Variants in MAOB observed in about 807,000 individuals in gnomAD.
The protein encoded by MAOB is amine oxidase [flavin-containing] B.
In MAOB, 15 loss-of-function variants were observed where a neutral mutation model predicts 41.9. The observed-to-expected ratio is 0.36, with a 90% CI of 0.24 to 0.55. MAOB has a LOEUF of 0.55. Ranked by LOEUF, MAOB falls within the 20% of genes least tolerant of loss-of-function variation. The pLI is 0.86. For synonymous variants in MAOB, 167 were observed against 144.2 expected (o/e 1.16, Z -1.13); for missense variants, 345 against 398.7 (o/e 0.87, Z 1.15).
At chrX:43,843,377 A>T (rs867533383) in intron 2 of MAOB, among the ~76,000 whole-genome samples, 2,027 of 105,715 alleles carry the variant, frequency 0.019, 46 homozygotes, top group African/African-American at 0.064. Flanking sequence ...ACACACACAC[A>T]CACACACACA....
chrX:43,819,408 C>A (rs1569221560), intron 3 of MAOB, among the ~76,000 whole-genome samples: 1 of 111,186 alleles, frequency 9.0e-6, no homozygotes, highest in Non-Finnish European at 1.9e-5. Flanking sequence ...AGGACAGCTC[C>A]CAAGGGCCAT....
intron 1 of MAOB, among the ~76,000 whole-genome samples, chrX:43,880,853 A>G (rs1025209100): frequency 1.8e-5 from 2 of 112,372 alleles, no homozygotes; most frequent in African/African-American, 6.5e-5. Flanking sequence ...CTGAAAAGAG[A>G]AACTTCAGCT....
chrX:43,779,067 T>G (rs2034296912), intron 10 of MAOB, among the ~76,000 whole-genome samples: 1 of 111,887 alleles, frequency 8.9e-6, no homozygotes. Flanking sequence ...CAAATGTTTA[T>G]GAAAATGCCT....
chrX:43,813,891 T>C (rs1229430009), intron 3 of MAOB, among the ~76,000 whole-genome samples: 2 of 110,797 alleles, frequency 1.8e-5, no homozygotes, highest in African/African-American at 6.6e-5. Context: ...AATCATGTAG[T>C]AGATTAGAAG....
intron 3 of MAOB, among the ~76,000 whole-genome samples, chrX:43,819,292 C>T (rs964102811): frequency 9.0e-6 from 1 of 111,544 alleles, no homozygotes; most frequent in Non-Finnish European, 1.9e-5. Context: ...ATTATCCCAG[C>T]TGCAGAAAAT....
chrX:43,791,145 A>G (rs933184993), intron 8 of MAOB, among the ~76,000 whole-genome samples: 1 of 111,963 alleles, frequency 8.9e-6, no homozygotes, highest in Admixed American at 9.5e-5. Flanking sequence ...TACTTGCCCA[A>G]CTGATGCACC....
intron 14 of MAOB, among the ~76,000 whole-genome samples, chrX:43,767,906 T>C (rs1367310050): frequency 8.9e-6 from 1 of 111,929 alleles, no homozygotes; most frequent in African/African-American, 3.3e-5. Context: ...TCATCTGCAT[T>C]CTCCACCAGA....
chrX:43,842,175 T>A (rs1287490964), intron 2 of MAOB, among the ~76,000 whole-genome samples: 6 of 112,161 alleles, frequency 5.3e-5, no homozygotes, highest in Non-Finnish European at 1.1e-4. Context: ...GAGGTTAATA[T>A]CCAAATTATA....
At chrX:43,803,508 C>A in intron 3 of MAOB, 104 bp from the exon 4 acceptor site, 1 of 1,049,671 alleles carries the variant, frequency 9.5e-7, no homozygotes, top group Non-Finnish European at 1.2e-6. Flanking sequence ...TGTGAGTTAT[C>A]AATATGTGAT....
At chrX:43,847,574 C>T (rs1457436800) in intron 1 of MAOB, among the ~76,000 whole-genome samples, 2 of 110,923 alleles carry the variant, frequency 1.8e-5, no homozygotes, top group African/African-American at 6.6e-5. Flanking sequence ...AGAGTTCAAC[C>T]CAAAACCTGA....
In MAOB at chrX:43,775,312, G is replaced by C. The variant is rs1250139590; in HGVS notation, c.1138-40C>G. ...AACAAAAACTTGAAGGAGACTCAGAGAAAGCTATTTAGCCTAGAATAAATC... is the reference window on the plus strand; with the variant it reads ...AACAAAAACTTGAAGGAGACTCAGACAAAGCTATTTAGCCTAGAATAAATC... On this transcript the variant is annotated intron_variant, in intron 11 of 14. Transcript: ENST00000378069. The C allele has an allele frequency of 2.5e-6, 3 of 1,183,865 alleles. No individual in the cohort carries two copies. In the East Asian group the frequency reaches 9.2e-5, roughly 36 times the overall value.
chrX:43,876,924 C>G (rs1270985415), intron 1 of MAOB, among the ~76,000 whole-genome samples: 1 of 112,038 alleles, frequency 8.9e-6, no homozygotes, highest in Non-Finnish European at 1.9e-5. Context: ...AGTGAGGAAG[C>G]TGGCACACTG....
chrX:43,876,518 G>A (rs1318760007), intron 1 of MAOB, among the ~76,000 whole-genome samples: 1 of 111,471 alleles, frequency 9.0e-6, no homozygotes, highest in African/African-American at 3.3e-5. Context: ...AAACTAACCT[G>A]TTACTATTGC....
intron 6 of MAOB, 91 bp downstream of exon 6, chrX:43,797,034 C>T (rs1410332347): frequency 1.0e-6 from 1 of 952,761 alleles, no homozygotes; most frequent in Non-Finnish European, 1.4e-6. Flanking sequence ...AAGCCTGCTT[C>T]CCACTTCAGC....
chrX:43,789,266 G>GT (rs1245065254), intron 8 of MAOB, among the ~76,000 whole-genome samples: 1 of 111,915 alleles, frequency 8.9e-6, no homozygotes, highest in Non-Finnish European at 1.9e-5. Context: ...TGTTCAACTT[G>GT]TATTACCTAT....
intron 3 of MAOB, among the ~76,000 whole-genome samples, chrX:43,821,799 A>G (rs2034884585): frequency 8.9e-6 from 1 of 112,445 alleles, no homozygotes; most frequent in Non-Finnish European, 1.9e-5. Flanking sequence ...TCTACCACAT[A>G]AGATTTTAAA....
intron 3 of MAOB, among the ~76,000 whole-genome samples, chrX:43,831,394 C>T (rs1316773131): frequency 2.7e-5 from 3 of 110,531 alleles, no homozygotes; most frequent in Non-Finnish European, 3.8e-5. Flanking sequence ...AAGAAAGCAA[C>T]GAATTACTCC....
rs1382033659 is a variant in MAOB, at chrX:43,866,038, G to A, written c.46+16216C>T. On this transcript the variant is annotated intron_variant, in intron 1 of 14. Transcript: ENST00000378069. ...AGCTACAGGCCCTAGGAAGAGCCAC[G>A]GGAAACAAGGCATCCGAAGTAGGCC... is the stretch of plus-strand genomic sequence containing the variant. Among the ~76,000 whole-genome samples, 5 of 110,601 alleles carry A rather than the reference G, an allele frequency of 4.5e-5. No homozygotes were observed. The East Asian group carries it at 8.5e-4, about 19-fold the overall frequency.
intron 1 of MAOB, among the ~76,000 whole-genome samples, chrX:43,862,986 T>C (rs2035342362): frequency 8.9e-6 from 1 of 111,877 alleles, no homozygotes; most frequent in Non-Finnish European, 1.9e-5. Context: ...GAATACCACA[T>C]TCACTCTCAA....
Sources: allele counts gnomAD v4.1 joint callset (sites outside exome capture counted in the v4.1 genomes callset), GRCh38; gene constraint gnomAD v4.1.1; transcripts MANE v1.5; gene names NCBI Gene and HGNC (gene_info 2026-07-23, HGNC 2026-07-21).